RYR1: variants seen among roughly 807,000 people sequenced by gnomAD.
RYR1 encodes ryanodine receptor 1.
A neutral mutation model predicts 583.5 loss-of-function variants in RYR1; 342 were observed. That is an observed-to-expected ratio of 0.59 (90% CI 0.54 to 0.64). The LOEUF (loss-of-function observed/expected upper bound fraction) is 0.64, where lower values mean the gene tolerates loss of function less well. Among genes scored for constraint, RYR1 ranks in the 30% least tolerant of loss-of-function variants. The pLI is 0.00. For synonymous variants in RYR1, 2,791 were observed against 2,822.5 expected (o/e 0.99, Z 0.35); for missense variants, 6,032 against 6,917.2 (o/e 0.87, Z 4.54).
At chr19:38,520,677 G>A (rs1410982713) in intron 67 of RYR1, among the ~76,000 whole-genome samples, 1 of 114,908 alleles carries the variant, frequency 8.7e-6, no homozygotes, top group Non-Finnish European at 1.7e-5. Flanking sequence ...CCTAGGAACA[G>A]AGCGAGGCTC....
intron 52 of RYR1, 94 bp downstream of exon 52, chr19:38,505,175 C>A (rs903974714): frequency 1.7e-5 from 21 of 1,249,346 alleles, no homozygotes; most frequent in Admixed American, 5.4e-5. Context: ...CTCCCTGAGA[C>A]CCCCCAGCCT....
intron 18 of RYR1, among the ~76,000 whole-genome samples, chr19:38,458,747 C>T (rs1202333877): frequency 6.6e-6 from 1 of 152,202 alleles, no homozygotes; most frequent in Non-Finnish European, 1.5e-5. Context: ...GCCTCAGCCT[C>T]CTGAGTAGCT....
At chr19:38,556,073 A>G (rs989336875) in intron 89 of RYR1, among the ~76,000 whole-genome samples, 1 of 152,136 alleles carries the variant, frequency 6.6e-6, no homozygotes, top group Non-Finnish European at 1.5e-5. Flanking sequence ...CATGTTGGCC[A>G]GGGTAGTCTC....
intron 76 of RYR1, among the ~76,000 whole-genome samples, chr19:38,530,267 T>C (rs1971672126): frequency 6.6e-6 from 1 of 151,482 alleles, no homozygotes. Context: ...TTTTTTATTT[T>C]TTGAGAAGAT....
chr19:38,532,281 C>A (rs1971771000), intron 76 of RYR1, among the ~76,000 whole-genome samples: 2 of 152,044 alleles, frequency 1.3e-5, no homozygotes, highest in South Asian at 4.1e-4. Flanking sequence ...ACCATCACAC[C>A]CGGCTAATTT....
chr19:38,534,413 G>A (rs1971874560), intron 78 of RYR1, among the ~76,000 whole-genome samples: 1 of 152,156 alleles, frequency 6.6e-6, no homozygotes, highest in Non-Finnish European at 1.5e-5. Flanking sequence ...TTCTGTTAGA[G>A]GGCGGAAAAC....
chr19:38,501,082 T>C (rs948857713), intron 47 of RYR1, 92 bp downstream of exon 47: 2 of 1,294,646 alleles, frequency 1.5e-6, no homozygotes, highest in Non-Finnish European at 2.2e-6. Flanking sequence ...TGCTTTTGTT[T>C]TTCTTGGGAT....
chr19:38,528,924 C>G, intron 75 of RYR1, 27 bp from the exon 76 acceptor site: 1 of 1,599,278 alleles, frequency 6.3e-7, no homozygotes, highest in Non-Finnish European at 8.5e-7. Flanking sequence ...TAGAAACCCT[C>G]TCCCCAAGTC....
chr19:38,492,719 C>T, intron 38 of RYR1, 83 bp downstream of exon 38: 3 of 1,428,940 alleles, frequency 2.1e-6, no homozygotes, highest in Non-Finnish European at 2.9e-6. Context: ...CCAAAGAGGG[C>T]ATGAGGACAG....
chr19:38,443,598 A>T lies in RYR1; in HGVS notation c.311A>T (p.His104Leu). The T allele has an allele frequency of 6.2e-7, 1 of 1,614,038 alleles. No individual in the cohort carries two copies. The highest frequency in any genetic ancestry group is 8.5e-7 in the Non-Finnish European group (1 of 1,179,984). ...GGACACAGGACGCTCCTGTATGGCC[A>T]TGCCATCCTGCTCCGGCATGCACAC... is the stretch of plus-strand genomic sequence containing the variant. ...GGGHRTLLYG[H>L]AILLRHAHSR... The change falls in exon 4 of 106, where the codon CAT becomes CTT. Residue 104 changes from histidine to leucine, a missense_variant. By Grantham distance (99) the His-to-Leu change is moderately conservative. Around this residue, in one of 11 missense-constraint regions of RYR1, gnomAD observed 338 missense variants for 441.6 expected, o/e 0.77. Coordinates refer to ENST00000359596, the MANE Select transcript of RYR1 (RefSeq NM_000540.3).
In RYR1 at chr19:38,506,903, G is replaced by T. The variant is rs755944109; in HGVS notation, c.8767G>T (p.Ala2923Ser). The T allele has an allele frequency of 1.9e-6, 3 of 1,613,376 alleles. No homozygotes were observed. The highest frequency in any genetic ancestry group is 2.5e-6 in the Non-Finnish European group (3 of 1,180,030). Residue 2923 changes from alanine (A) to serine (S), a missense_variant, in exon 57 of 106, where the codon GCC becomes TCC. Around this residue, in one of 11 missense-constraint regions of RYR1, gnomAD observed 1,493 missense variants for 1,715.5 expected, o/e 0.87. Coordinates refer to ENST00000359596, the MANE Select transcript of RYR1 (RefSeq NM_000540.3). ...AKEKARDREK[A>S]QELLKFLQMN... ...GGAGAAGGCACGAGATCGAGAGAAG[G>T]CCCAGGAGCTACTGAAATTCCTGCA...
intron 10 of RYR1, 59 bp from the exon 11 acceptor site, chr19:38,448,590 G>T: frequency 6.2e-7 from 1 of 1,614,112 alleles, no homozygotes; most frequent in Non-Finnish European, 8.5e-7. Context: ...TCCCTCAGGG[G>T]GGCTCCCCTG....
intron 12 of RYR1, 108 bp from the exon 13 acceptor site, chr19:38,452,711 C>A: frequency 1.0e-6 from 1 of 994,562 alleles, no homozygotes. Flanking sequence ...GTCTCCCTCT[C>A]TGTAAAACGG....
chr19:38,556,616 C>T (rs1270986086), intron 89 of RYR1, among the ~76,000 whole-genome samples: 1 of 152,084 alleles, frequency 6.6e-6, no homozygotes, highest in Non-Finnish European at 1.5e-5. Flanking sequence ...TCTCAAACTC[C>T]TGTGCTCAAG....
Position 38,433,839 on chromosome 19 carries a change from G to A in RYR1, c.10G>A (p.Ala4Thr). Residue 4 changes from alanine to threonine, a missense_variant, in exon 1 of 106, where the codon GCA becomes ACA. Transcript: ENST00000359596. ...TTCCGACCTCGACATCATGGGTGAC[G>A]CAGAAGGCGAAGACGAGGTCCAGTT... MGD[A>T]EGEDEVQFLR... is the part of the protein sequence containing the mutation. 4 of 1,611,646 alleles carry A rather than the reference G, an allele frequency of 2.5e-6. 1 individual carries two copies. In the South Asian group the frequency reaches 3.3e-5, roughly 13 times the overall value.
chr19:38,466,108 G>T lies in RYR1; in HGVS notation c.2888G>T (p.Gly963Val). 6.2e-7 allele frequency: 1 copy of T among 1,611,364 alleles called. No individual in the cohort carries two copies. The highest frequency in any genetic ancestry group is 8.5e-7 in the Non-Finnish European group (1 of 1,179,026). Residue 963 changes from glycine to valine, a missense_variant, in exon 24 of 106, where the codon GGG (glycine) becomes GTG (valine). Physicochemically the swap from Gly to Val is moderately radical, Grantham distance 109. This residue lies in a region of RYR1 where 2,627 missense variants were observed against 2,961.3 expected (regional missense o/e 0.89). Coordinates refer to ENST00000359596, the MANE Select transcript of RYR1 (RefSeq NM_000540.3). ...GCCCGCAGGTATATGATGAGCAATG[G>T]GTACAAGCCGGCTCCGCTGGACCTG... is the stretch of plus-strand genomic sequence containing the variant. ...KLPKTYMMSN[G>V]YKPAPLDLSH...
chr19:38,463,785 G>C lies in RYR1; in HGVS notation c.2721G>C (p.Val907=). Residue 907 remains valine (V), a synonymous_variant, in exon 22 of 106, where the codon GTG becomes GTC. Transcript: ENST00000359596. ...DDNKRLHPCL[V]DFHSLPEPER... is the part of the protein sequence containing the mutation. ...ACAAGAGGCTGCACCCGTGTCTTGT[G>C]GACTTCCACAGCCTTCCAGAGCCTG... The C allele has an allele frequency of 6.2e-7, 1 of 1,614,134 alleles. No individual in the cohort carries two copies. The highest frequency in any genetic ancestry group is 8.5e-7 in the Non-Finnish European group (1 of 1,180,010).
At chr19:38,559,311 G>T (rs1408055927) in intron 89 of RYR1, among the ~76,000 whole-genome samples, 6 of 143,682 alleles carry the variant, frequency 4.2e-5, no homozygotes, top group Non-Finnish European at 1.5e-5. Context: ...TTGGCTCACT[G>T]CAACATCCGC....
rs1328252794 is a variant in RYR1, at chr19:38,543,513, C to A, written c.11779-19C>A. On this transcript the variant is annotated intron_variant, in intron 85 of 105. Coordinates refer to ENST00000359596, the MANE Select transcript of RYR1 (RefSeq NM_000540.3). This position sits in a 1 kb window ranked among gnomAD's most constrained non-coding sequence, Gnocchi z 4.4. ...TGGTCGGCCCCAGCACCCCCTCACA[C>A]CCTACCCGCCCCCACCAGGAATCCA... 3 of 1,614,050 alleles carry A rather than the reference C, an allele frequency of 1.9e-6. No homozygotes were observed. The highest frequency in any genetic ancestry group is 2.5e-6 in the Non-Finnish European group (3 of 1,180,030).
Sources: gnomAD v4.1 joint callset for allele counts (sites outside exome capture counted in the v4.1 genomes callset) on GRCh38, gnomAD v4.1.1 for gene constraint, gnomAD v4.1.1 regional missense constraint, Gnocchi (gnomAD v3.1) non-coding constraint, MANE v1.5 for transcripts, NCBI Gene and HGNC (gene_info 2026-07-23, HGNC 2026-07-21) for gene names.